Variants in COL28A1 observed in about 807,000 individuals in gnomAD.
The protein encoded by COL28A1 is collagen alpha-1(XXVIII) chain.
Under a neutral mutation model 150.2 loss-of-function variants are expected in COL28A1, and 161 were observed. The ratio of observed to expected loss-of-function variants is 1.07; its 90% confidence interval spans 0.94 to 1.22. The LOEUF is 1.22. Among genes scored for constraint, COL28A1 ranks in the 50% most tolerant of loss-of-function variants. COL28A1 has a pLI of 0.00. For missense variants in COL28A1, 1,617 were observed against 1,388.3 expected (o/e 1.16, Z -2.62); for synonymous variants, 552 against 469.7 (o/e 1.18, Z -2.26).
chr7:7,425,352 G>A (rs1033677240), intron 25 of COL28A1, among the ~76,000 whole-genome samples: 1 of 152,076 alleles, frequency 6.6e-6, no homozygotes, highest in African/African-American at 2.4e-5. Context: ...TTAATGCAAA[G>A]ACCTCGGCTG....
At position 7,520,134 on chromosome 7, in the gene COL28A1, A is replaced by G; in HGVS notation, c.760-19T>C. ...GTGTACCCTGAAGGCAAAGGGAAAA[A>G]ATATTATTTTAAGTAGGAATTCTAT... On this transcript the variant is annotated intron_variant, in intron 5 of 34. Transcript: ENST00000399429. 1 of 1,132,264 alleles carries G rather than the reference A, an allele frequency of 8.8e-7. No homozygotes were observed. Among genetic ancestry groups the G allele is most frequent in the Non-Finnish European group, 1.3e-6 (1 of 745,072 alleles). The allele number at this position is 1,132,264 out of a possible 1,614,324, so 70.1% of individuals were successfully genotyped here.
In COL28A1 at chr7:7,529,560, GACAA is replaced by G. The variant is rs1403480012; in HGVS notation, c.681+1784_681+1787del. Among the ~76,000 whole-genome samples the G allele has an allele frequency of 1.4e-4, 22 of 152,248 alleles. No homozygotes were observed. In the East Asian group the frequency reaches 1.5e-3, roughly 11 times the overall value. On this transcript the variant is annotated intron_variant, in intron 3 of 34. Coordinates refer to ENST00000399429, the MANE Select transcript of COL28A1 (RefSeq NM_001037763.3). The stretch of plus-strand genomic sequence containing the variant: ...GTCATTTTCTGTTTGCCCAGGAACA[GACAA>G]ACAATTTTGCTTCCAGTCTACTGCC...
chr7:7,373,548 T>TGTTG lies in COL28A1; in HGVS notation c.2360-3_2360-2insCAAC, dbSNP rs1467167288. On this transcript the variant is annotated splice_polypyrimidine_tract_variant and splice_region_variant and intron_variant, in intron 31 of 34. Transcript: ENST00000399429. This position sits in a 1 kb window ranked among gnomAD's most constrained non-coding sequence, Gnocchi z 4.1. ...TCTCTTTGCATTTGGGCCCACAACC[T>TGTTG]AAAAGATGAATGTTGAGAGAGAAAA... 5.0e-6 allele frequency: 8 copies of TGTTG among 1,604,422 alleles called. No homozygotes were observed. Among genetic ancestry groups the TGTTG allele is most frequent in the Non-Finnish European group, 6.8e-6 (8 of 1,175,114 alleles).
At chr7:7,463,138 C>A (rs995332173) in intron 15 of COL28A1, among the ~76,000 whole-genome samples, 1 of 152,084 alleles carries the variant, frequency 6.6e-6, no homozygotes, top group Middle Eastern at 3.4e-3. Context: ...AACTTCCCCA[C>A]CCCTGCTAGA....
At chr7:7,478,869 A>G (rs1266395075) in intron 13 of COL28A1, among the ~76,000 whole-genome samples, 2 of 152,180 alleles carry the variant, frequency 1.3e-5, no homozygotes, top group African/African-American at 2.4e-5. Context: ...GCCCACCCGG[A>G]ATTCTAGCTG....
the COL28A1 span, among the ~76,000 whole-genome samples, chr7:7,339,211 C>T: frequency 6.6e-6 from 1 of 152,134 alleles, no homozygotes; most frequent in African/African-American, 2.4e-5. Flanking sequence ...CTACTTTCAT[C>T]GAATCCAATC....
intron 14 of COL28A1, among the ~76,000 whole-genome samples, chr7:7,475,601 A>G (rs1033011714): frequency 3.3e-5 from 5 of 152,262 alleles, no homozygotes; most frequent in Admixed American, 3.3e-4. Flanking sequence ...ACCTGTCACT[A>G]TGAAATACCC....
At chr7:7,431,313 T>C (rs1784956819) in intron 25 of COL28A1, 1 of 304,454 alleles carries the variant, frequency 3.3e-6, no homozygotes, top group Non-Finnish European at 6.6e-6. Context: ...GACATGAAGT[T>C]AGGAGGGAAC....
chr7:7,343,347 C>A, the COL28A1 span, among the ~76,000 whole-genome samples: 1 of 151,996 alleles, frequency 6.6e-6, no homozygotes, highest in East Asian at 1.9e-4. Context: ...CAATTAATCT[C>A]AGACTGCTCA....
At chr7:7,497,974 A>G (rs891924759) in intron 11 of COL28A1, among the ~76,000 whole-genome samples, 1 of 152,198 alleles carries the variant, frequency 6.6e-6, no homozygotes, top group Non-Finnish European at 1.5e-5. Flanking sequence ...AGTCCAGTCC[A>G]TATACTCTAC....
chr7:7,364,793 A>G (rs1009000400), intron 33 of COL28A1, among the ~76,000 whole-genome samples: 2 of 152,160 alleles, frequency 1.3e-5, no homozygotes, highest in South Asian at 4.1e-4. Flanking sequence ...CTTCCCTGAT[A>G]AAAGAAATTA....
chr7:7,523,345 A>G (rs938442323), intron 4 of COL28A1, among the ~76,000 whole-genome samples: 7 of 151,842 alleles, frequency 4.6e-5, no homozygotes, highest in African/African-American at 1.7e-4. Flanking sequence ...TTTTTAGTAG[A>G]GACGGGGTTT....
chr7:7,535,620 T>C (rs1252880994), intron 1 of COL28A1, 130 bp downstream of exon 1: 1 of 152,204 alleles, frequency 6.6e-6, no homozygotes, highest in Non-Finnish European at 1.5e-5. Context: ...TTTGAAGTAA[T>C]TGCAGAGAAT....
At chr7:7,511,170 A>G in intron 8 of COL28A1, 35 bp from the exon 9 acceptor site, 8 of 1,495,598 alleles carry the variant, frequency 5.3e-6, no homozygotes, top group Non-Finnish European at 7.5e-6. Context: ...ATAAGAGAAC[A>G]CTTGCAGTCA....
At chr7:7,392,371 G>C (rs1274409427) in intron 27 of COL28A1, among the ~76,000 whole-genome samples, 1 of 152,166 alleles carries the variant, frequency 6.6e-6, no homozygotes, top group Non-Finnish European at 1.5e-5. Context: ...TTCCCTTTGT[G>C]GGTAACCTGA....
chr7:7,448,904 C>T (rs1346446289), intron 18 of COL28A1, among the ~76,000 whole-genome samples: 1 of 151,782 alleles, frequency 6.6e-6, no homozygotes, highest in South Asian at 2.1e-4. Context: ...TCTATGATGA[C>T]AAAAAACAGA....
intron 27 of COL28A1, among the ~76,000 whole-genome samples, chr7:7,406,897 T>G (rs1783521747): frequency 6.6e-6 from 1 of 152,090 alleles, no homozygotes. Context: ...ATTATAGGAA[T>G]ACCTTAGAAG....
chr7:7,446,117 CAA>C (rs1786242790), intron 18 of COL28A1, among the ~76,000 whole-genome samples: 1 of 152,086 alleles, frequency 6.6e-6, no homozygotes, highest in Admixed American at 6.6e-5. Context: ...CTCAGCCTCC[CAA>C]AGTGCTGGGA....
intron 18 of COL28A1, among the ~76,000 whole-genome samples, chr7:7,447,011 T>C (rs1023908342): frequency 2.0e-5 from 3 of 152,142 alleles, no homozygotes; most frequent in Admixed American, 6.5e-5. Flanking sequence ...GAACTGACAT[T>C]GAACCAGGAA....
Sources: gnomAD v4.1 joint callset for allele counts (sites outside exome capture counted in the v4.1 genomes callset) on GRCh38, gnomAD v4.1.1 for gene constraint, Gnocchi (gnomAD v3.1) non-coding constraint, MANE v1.5 for transcripts, NCBI Gene and HGNC (gene_info 2026-07-23, HGNC 2026-07-21) for gene names.